SCAF8: variants seen among roughly 807,000 people sequenced by gnomAD.
SCAF8 encodes SR-related CTD associated factor 8.
SCAF8 carries 23 observed loss-of-function variants against 140.5 expected under a neutral mutation model. The observed-to-expected ratio is 0.16, with a 90% CI of 0.12 to 0.23. SCAF8 has a LOEUF of 0.23. SCAF8 is among the 10% of genes least tolerant of loss of function. The pLI is 1.00. For synonymous variants in SCAF8, 575 were observed against 528.9 expected (o/e 1.09, Z -1.20); for missense variants, 1,397 against 1,555.7 (o/e 0.90, Z 1.72).
intron 1 of SCAF8, among the ~76,000 whole-genome samples, chr6:154,736,505 C>G (rs184463335): frequency 5.1e-4 from 77 of 152,164 alleles, no homozygotes; most frequent in Non-Finnish European, 9.3e-4. Context: ...CTCCTGACCT[C>G]AGGTGATCCA....
intron 6 of SCAF8, among the ~76,000 whole-genome samples, chr6:154,799,266 C>T (rs1175889117): frequency 6.6e-6 from 1 of 151,288 alleles, no homozygotes; most frequent in Non-Finnish European, 1.5e-5. Flanking sequence ...GCATGAGCCA[C>T]CGTGCCTGGC....
At position 154,820,361 on chromosome 6, in the gene SCAF8, T is replaced by TA. The variant is rs556111544; in HGVS notation, c.1792+36dup. The TA allele has an allele frequency of 4.3e-4, 675 of 1,566,450 alleles. 1 individual carries two copies. In the African/African-American group the frequency reaches 7.6e-3, roughly 18 times the overall value. ...AAGAATTCTAAGGTCTTTTTATTGT[T>TA]AAAAAAAAGTATGCTTAGAAGGTTG... On this transcript the variant is annotated intron_variant, in intron 15 of 19. Coordinates refer to ENST00000367178, the MANE Select transcript of SCAF8 (RefSeq NM_014892.5).
intron 6 of SCAF8, among the ~76,000 whole-genome samples, chr6:154,796,937 A>G (rs1336886606): frequency 1.3e-5 from 2 of 151,956 alleles, no homozygotes; most frequent in African/African-American, 4.8e-5. Flanking sequence ...ATGCCATTGC[A>G]CTGTAGCCTG....
At chr6:154,809,392 T>A (rs1778019867) in intron 11 of SCAF8, among the ~76,000 whole-genome samples, 2 of 152,274 alleles carry the variant, frequency 1.3e-5, no homozygotes, top group African/African-American at 4.8e-5. Context: ...CAAAGTTCTT[T>A]ATATTTATCT....
Position 154,809,550 on chromosome 6 carries a change from A to G in SCAF8, c.1227-465A>G, listed in dbSNP as rs60445112. Among the ~76,000 whole-genome samples, 1,236 of 152,314 alleles carry G rather than the reference A, an allele frequency of 8.1e-3. 12 individuals are homozygous for G. Among genetic ancestry groups the G allele is most frequent in the African/African-American group, 0.028 (1,182 of 41,566 alleles). The stretch of plus-strand genomic sequence containing the variant: ...TACTAAGCATTTTGAAGAGAGCTCA[A>G]TGGCATGTGGTTGACAGGCAAAAAA... On this transcript the variant is annotated intron_variant, in intron 11 of 19. Transcript: ENST00000367178.
chr6:154,784,120 GATATAT>G lies in SCAF8; in HGVS notation c.160-3708_160-3703del, dbSNP rs72135986. 5.3e-3 allele frequency among the ~76,000 whole-genome samples: 563 copies of G among 106,838 alleles called. 6 individuals are homozygous for G. Among genetic ancestry groups the G allele is most frequent in the East Asian group, 0.019 (62 of 3,216 alleles). The allele number at this position is 106,838 out of a possible 152,430, so 70.1% of individuals were successfully genotyped here. Reference sequence around the variant, plus strand: ...TATTTACTTATCTCTGGTGTCTTGAGATATATATATATATATATATATATATATATA... The same window carrying G: ...TATTTACTTATCTCTGGTGTCTTGAGATATATATATATATATATATATATA... On this transcript the variant is annotated intron_variant, in intron 3 of 19. Transcript: ENST00000367178.
At chr6:154,804,864 G>A (rs982912536) in intron 8 of SCAF8, among the ~76,000 whole-genome samples, 5 of 151,982 alleles carry the variant, frequency 3.3e-5, no homozygotes, top group African/African-American at 1.2e-4. Context: ...TATTTAAACA[G>A]TATCTGTCTC....
intron 1 of SCAF8, chr6:154,741,964 C>T (rs1778582037): frequency 6.5e-7 from 1 of 1,532,350 alleles, no homozygotes; most frequent in African/African-American, 1.4e-5. Context: ...AGGATTGTGC[C>T]TCTACTCCTG....
intron 1 of SCAF8, among the ~76,000 whole-genome samples, chr6:154,746,752 G>A (rs1319879052): frequency 6.6e-6 from 1 of 152,146 alleles, no homozygotes; most frequent in African/African-American, 2.4e-5. Flanking sequence ...TACTTGGTTA[G>A]TTTTCTCCCC....
At chr6:154,734,901 A>G (rs1293545470) in intron 1 of SCAF8, among the ~76,000 whole-genome samples, 1 of 152,118 alleles carries the variant, frequency 6.6e-6, no homozygotes, top group East Asian at 1.9e-4. Flanking sequence ...GAGGCGGGCC[A>G]ATCACGAGGT....
At position 154,733,639 on chromosome 6, in the gene SCAF8, G is replaced by T; in HGVS notation, c.-262G>T. Reference sequence around the variant, plus strand: ...CGGCCCAGCCCCTCCCCCGCCCGCCGCCGACCCGCCCCGGCAGCGCCTCTG... The same window carrying T: ...CGGCCCAGCCCCTCCCCCGCCCGCCTCCGACCCGCCCCGGCAGCGCCTCTG... On this transcript the variant is annotated 5_prime_UTR_variant, in exon 1 of 20. Transcript: ENST00000367178. 4.5e-6 allele frequency: 5 copies of T among 1,102,946 alleles called. No homozygotes were observed. Among genetic ancestry groups the T allele is most frequent in the Non-Finnish European group, 5.6e-6 (5 of 893,762 alleles). The allele number at this position is 1,102,946 out of a possible 1,614,324, so 68.3% of individuals were successfully genotyped here.
rs971437391 is a variant in SCAF8, at chr6:154,818,505, T to C, written c.1548T>C (p.Tyr516=). Residue 516 remains tyrosine, a synonymous_variant, in exon 14 of 20, where the codon TAT becomes TAC. Transcript: ENST00000367178. ...TGATTCCTCCCCGGGGCTGTGCTTA[T>C]GTCTGCATGGTTCATCGACAAGATG... ...INMIPPRGCA[Y]VCMVHRQDAF... 18 of 1,607,638 alleles carry C rather than the reference T, an allele frequency of 1.1e-5. No homozygotes were observed. The highest frequency in any genetic ancestry group is 2.2e-5 in the East Asian group (1 of 44,482).
At chr6:154,749,835 T>G (rs1778795558) in intron 1 of SCAF8, among the ~76,000 whole-genome samples, 1 of 152,132 alleles carries the variant, frequency 6.6e-6, no homozygotes. Flanking sequence ...GAAAAATGAC[T>G]AGCATCTTTG....
intron 1 of SCAF8, among the ~76,000 whole-genome samples, chr6:154,759,928 C>G (rs1282031737): frequency 6.6e-6 from 1 of 152,102 alleles, no homozygotes; most frequent in Non-Finnish European, 1.5e-5. Context: ...CTCGGCCTCC[C>G]AAAGTGTTGG....
At chr6:154,804,458 GTTTA>G (rs1465709644) in intron 8 of SCAF8, among the ~76,000 whole-genome samples, 5 of 152,096 alleles carry the variant, frequency 3.3e-5, no homozygotes, top group Admixed American at 1.3e-4. Context: ...TGATGATACA[GTTTA>G]TTTATCCAGT....
At chr6:154,794,669 G>A (rs890212268) in intron 5 of SCAF8, among the ~76,000 whole-genome samples, 14 of 148,342 alleles carry the variant, frequency 9.4e-5, no homozygotes, top group Non-Finnish European at 7.4e-5. Flanking sequence ...GCATCCACTG[G>A]AGTTCTTGGA....
intron 1 of SCAF8, among the ~76,000 whole-genome samples, chr6:154,737,157 A>G (rs1778444829): frequency 6.6e-6 from 1 of 152,222 alleles, no homozygotes; most frequent in Non-Finnish European, 1.5e-5. Flanking sequence ...TTAAAAAGGA[A>G]TTCTAGTTGC....
intron 1 of SCAF8, among the ~76,000 whole-genome samples, chr6:154,755,560 T>A (rs1326916193): frequency 6.6e-6 from 1 of 152,208 alleles, no homozygotes; most frequent in African/African-American, 2.4e-5. Flanking sequence ...TTTATTACTA[T>A]TAGTTTTAAT....
At chr6:154,794,398 T>C (rs1449447187) in intron 5 of SCAF8, among the ~76,000 whole-genome samples, 1 of 152,180 alleles carries the variant, frequency 6.6e-6, no homozygotes, top group Non-Finnish European at 1.5e-5. Flanking sequence ...TCCACAGTTT[T>C]GCTTTCCATG....
Sources: gnomAD v4.1 joint callset for allele counts (sites outside exome capture counted in the v4.1 genomes callset) on GRCh38, gnomAD v4.1.1 for gene constraint, MANE v1.5 for transcripts, NCBI Gene and HGNC (gene_info 2026-07-23, HGNC 2026-07-21) for gene names.